ELF2: variants seen among roughly 807,000 people sequenced by gnomAD.
The protein encoded by ELF2 is E74 like ETS transcription factor 2, also known as ETS-related transcription factor Elf-2.
In ELF2, 11 loss-of-function variants were observed where a neutral mutation model predicts 54.8. That is an observed-to-expected ratio of 0.20 (90% CI 0.13 to 0.33). The LOEUF is 0.33. Among genes scored for constraint, ELF2 ranks in the 10% least tolerant of loss-of-function variants. ELF2 has a pLI of 1.00. For missense variants in ELF2, 513 were observed against 703.0 expected, an observed-to-expected ratio of 0.73 and a Z score of 3.06; for synonymous variants, 203 against 245.1, an observed-to-expected ratio of 0.83 and a Z score of 1.61.
chr4:139,115,105 A>T (rs1735505485), intron 4 of ELF2: 1 of 1,613,748 alleles, frequency 6.2e-7, no homozygotes, highest in Non-Finnish European at 8.5e-7. Flanking sequence ...CAGTTCTGGG[A>T]TCTCCTCTTC....
rs756701212 is a variant in ELF2, at chr4:139,060,563, G to C, written c.918C>G (p.Thr306=). ...IVVIDDDKSE[T]CNEDLAGTTD... ...TAGTTCCTGCTAAATCTTCATTACA[G>C]GTTTCACTTTTGTCATCATCTATGA... The change falls in exon 9 of 10, where the codon ACC becomes ACG. Residue 306 remains threonine (T), a synonymous_variant. Transcript: ENST00000686138. 3 of 1,614,148 alleles carry C rather than the reference G, an allele frequency of 1.9e-6. No homozygotes were observed. In the Admixed American group the frequency reaches 5.0e-5, roughly 27 times the overall value.
At chr4:139,152,599 G>A (rs988518210) in intron 1 of ELF2, among the ~76,000 whole-genome samples, 3 of 152,034 alleles carry the variant, frequency 2.0e-5, no homozygotes, top group Non-Finnish European at 2.9e-5. Flanking sequence ...CCAAAGTGCT[G>A]GGATTACAGG....
intron 6 of ELF2, 115 bp from the exon 7 acceptor site, chr4:139,067,885 G>A: frequency 1.0e-6 from 1 of 972,820 alleles, no homozygotes; most frequent in South Asian, 1.9e-5. Flanking sequence ...ATTTGTAGAT[G>A]AATATACTCT....
At chr4:139,172,627 G>T (rs1043345605) in intron 1 of ELF2, among the ~76,000 whole-genome samples, 1 of 152,126 alleles carries the variant, frequency 6.6e-6, no homozygotes. Context: ...GTGAAAAAGT[G>T]AAAGTTCTCA....
chr4:139,088,876 A>T (rs1156952482), intron 4 of ELF2, among the ~76,000 whole-genome samples: 2 of 152,020 alleles, frequency 1.3e-5, no homozygotes, highest in African/African-American at 4.8e-5. Context: ...CTCCTACCTC[A>T]GCCTCCAGAG....
rs1369066276 is a variant in ELF2, at chr4:139,156,244, C to T, written c.-251-16747G>A. On this transcript the variant is annotated intron_variant, in intron 1 of 9. Transcript: ENST00000686138. Reference sequence around the variant, plus strand: ...AGGCTGGAGTGCAGTGGCGCGATCTCAGCTCACCGCAAGCTCCGCCTCCCG... The same window carrying T: ...AGGCTGGAGTGCAGTGGCGCGATCTTAGCTCACCGCAAGCTCCGCCTCCCG... 4.6e-5 allele frequency among the ~76,000 whole-genome samples: 7 copies of T among 152,102 alleles called. No individual in the cohort carries two copies. The South Asian group carries it at 1.2e-3, about 27-fold the overall frequency.
chr4:139,147,762 C>T (rs1018625896), intron 1 of ELF2, among the ~76,000 whole-genome samples: 2 of 150,202 alleles, frequency 1.3e-5, no homozygotes, highest in South Asian at 2.1e-4. Flanking sequence ...GCGTCAGCCA[C>T]GGCACCCAGC....
At chr4:139,083,218 G>A (rs1731412324) in intron 4 of ELF2, among the ~76,000 whole-genome samples, 1 of 152,102 alleles carries the variant, frequency 6.6e-6, no homozygotes, top group African/African-American at 2.4e-5. Context: ...ATTCCGTGCT[G>A]AGACTTCCCT....
chr4:139,109,732 C>G (rs1205752052), intron 4 of ELF2, among the ~76,000 whole-genome samples: 1 of 152,160 alleles, frequency 6.6e-6, no homozygotes, highest in Non-Finnish European at 1.5e-5. Flanking sequence ...GACAAAAACC[C>G]AAATATCACA....
chr4:139,155,534 C>G (rs931535606), intron 1 of ELF2: 12 of 152,246 alleles, frequency 7.9e-5, no homozygotes, highest in Admixed American at 7.8e-4. Context: ...CACTTGAGTC[C>G]AGGAGTTCGA....
intron 1 of ELF2, among the ~76,000 whole-genome samples, chr4:139,149,703 G>C (rs1184857441): frequency 4.0e-5 from 6 of 151,738 alleles, no homozygotes; most frequent in Admixed American, 3.9e-4. Context: ...TAACCGAAAG[G>C]GTGTATATGA....
intron 4 of ELF2, among the ~76,000 whole-genome samples, chr4:139,098,656 G>A (rs1369551047): frequency 6.6e-6 from 1 of 152,074 alleles, no homozygotes; most frequent in Non-Finnish European, 1.5e-5. Context: ...TTTTGGTAGA[G>A]ATGGGGTTTC....
chr4:139,131,798 CAAAAAA>C (rs70940495), intron 3 of ELF2, among the ~76,000 whole-genome samples: 1 of 135,540 alleles, frequency 7.4e-6, no homozygotes, highest in Non-Finnish European at 1.6e-5. Context: ...TTCATAATGC[CAAAAAA>C]AAAAAAAAGA....
chr4:139,088,662 T>G (rs1732252612), intron 4 of ELF2, among the ~76,000 whole-genome samples: 1 of 152,240 alleles, frequency 6.6e-6, no homozygotes, highest in Non-Finnish European at 1.5e-5. Context: ...AGTATGATCC[T>G]TAGCCTCACC....
chr4:139,158,304 G>A (rs923471893), intron 1 of ELF2, among the ~76,000 whole-genome samples: 1 of 152,196 alleles, frequency 6.6e-6, no homozygotes, highest in Non-Finnish European at 1.5e-5. Flanking sequence ...AGTTACTTCA[G>A]GCCATCTGGA....
intron 4 of ELF2, among the ~76,000 whole-genome samples, chr4:139,083,326 G>C (rs921236957): frequency 2.0e-5 from 3 of 152,136 alleles, no homozygotes; most frequent in African/African-American, 7.2e-5. Context: ...CTCCAGGTCA[G>C]GGGTACAAAT....
intron 4 of ELF2, among the ~76,000 whole-genome samples, chr4:139,114,307 A>C (rs932438234): frequency 6.6e-6 from 1 of 152,162 alleles, no homozygotes; most frequent in Non-Finnish European, 1.5e-5. Context: ...ATGGTTGCTC[A>C]CGCCTGTAAT....
At position 139,059,164 on chromosome 4, in the gene ELF2, T is replaced by C. The variant is rs1727438147; in HGVS notation, c.1601A>G (p.Glu534Gly). ...RVISAVIKGPEVKSEAVAKKQ... is the reference protein window; with the variant it reads ...RVISAVIKGPGVKSEAVAKKQ... ...TTTTGCCACTGCTTCCGATTTAACCTCTGGCCCCTTTATGACTGCACTGAT... is the reference window on the plus strand; with the variant it reads ...TTTTGCCACTGCTTCCGATTTAACCCCTGGCCCCTTTATGACTGCACTGAT... Residue 534 changes from glutamate (E) to glycine (G), a missense_variant, in exon 10 of 10, where the codon GAG becomes GGG. Around this residue, in one of 3 missense-constraint regions of ELF2, gnomAD observed 291 missense variants for 366.1 expected, o/e 0.79. Transcript: ENST00000686138. The C allele has an allele frequency of 6.2e-6, 10 of 1,613,994 alleles. No individual in the cohort carries two copies. The highest frequency in any genetic ancestry group is 8.5e-6 in the Non-Finnish European group (10 of 1,179,876).
chr4:139,101,188 T>G (rs550530756), intron 4 of ELF2, among the ~76,000 whole-genome samples: 1 of 152,344 alleles, frequency 6.6e-6, no homozygotes, highest in South Asian at 2.1e-4. Context: ...ACTAATATTA[T>G]TAAACCTTAG....
Sources: allele counts gnomAD v4.1 joint callset (sites outside exome capture counted in the v4.1 genomes callset), GRCh38; gene constraint gnomAD v4.1.1; regional missense constraint gnomAD v4.1.1; transcripts MANE v1.5; gene names NCBI Gene and HGNC (gene_info 2026-07-23, HGNC 2026-07-21).